Variants in OR14A2 observed in about 807,000 individuals in gnomAD.
OR14A2 encodes the protein olfactory receptor family 14 subfamily A member 2.
For synonymous variants in OR14A2, 114 were observed against 58.6 expected, an observed-to-expected ratio of 1.95 and a Z score of -4.32; for missense variants, 237 against 152.9, an observed-to-expected ratio of 1.55 and a Z score of -2.90.
the OR14A2 span, among the ~76,000 whole-genome samples, chr1:247,734,169 C>T: frequency 6.6e-6 from 1 of 152,064 alleles, no homozygotes; most frequent in African/African-American, 2.4e-5. Context: ...TTAGGATGGT[C>T]CCCAATCTAA....
the OR14A2 span, among the ~76,000 whole-genome samples, chr1:247,744,817 A>G: frequency 1.3e-5 from 2 of 152,228 alleles, no homozygotes; most frequent in Non-Finnish European, 2.9e-5. The surrounding 1 kb of genome is among the most constrained non-coding windows in gnomAD (Gnocchi z 4.3). Flanking sequence ...AGTTGCCTCA[A>G]GGAGTGCTTC....
the OR14A2 span, among the ~76,000 whole-genome samples, chr1:247,731,254 C>T: frequency 8.6e-5 from 13 of 152,016 alleles, no homozygotes; most frequent in African/African-American, 2.4e-4. Flanking sequence ...ATAGTTGCCC[C>T]TCCAAACCTT....
the OR14A2 span, among the ~76,000 whole-genome samples, chr1:247,747,653 C>T: frequency 6.8e-4 from 104 of 152,134 alleles, no homozygotes; most frequent in Non-Finnish European, 1.2e-3. Context: ...TGAGGCACCG[C>T]GCCCGGGCCT....
chr1:247,723,878 GTGTT>G lies in OR14A2; in HGVS notation c.162_165del (p.Gln54HisfsTer7). The stretch of plus-strand genomic sequence containing the variant: ...AAGTTCTTCAGGAAGAAGTACATGG[GTGTT>G]TGGAGCTTTACGTCCAGGGTAATGA... On this transcript the variant is annotated frameshift_variant, in exon 1 of 1. Coordinates refer to ENST00000366485, the Ensembl canonical transcript of OR14A2. LOFTEE classifies it low-confidence loss of function (END_TRUNC). 2.8e-6 allele frequency: 2 copies of G among 717,588 alleles called. No homozygotes were observed. The highest frequency in any genetic ancestry group is 3.0e-5 in the South Asian group (2 of 67,556). 44.5% of individuals were successfully genotyped at this position (717,588 alleles called of 1,614,324 possible).
At chr1:247,729,533 T>G in the OR14A2 span, among the ~76,000 whole-genome samples, 1 of 152,092 alleles carries the variant, frequency 6.6e-6, no homozygotes, top group African/African-American at 2.4e-5. Context: ...GACTTAAGAG[T>G]TTATATTAAG....
At chr1:247,741,516 A>T in the OR14A2 span, among the ~76,000 whole-genome samples, 8 of 152,354 alleles carry the variant, frequency 5.3e-5, no homozygotes, top group Admixed American at 5.2e-4. Flanking sequence ...GAATATGAAT[A>T]AAAAAGTGTG....
chr1:247,739,490 C>T, the OR14A2 span: 5 of 780,814 alleles, frequency 6.4e-6, no homozygotes, highest in Admixed American at 3.4e-5. Context: ...GTCTGAAGAA[C>T]AAGGACATTA....
At chr1:247,739,053 T>C in the OR14A2 span, 2 of 780,686 alleles carry the variant, frequency 2.6e-6, no homozygotes, top group South Asian at 1.3e-5. Context: ...GGCTCTGTCC[T>C]GGCTCAACAG....
chr1:247,728,765 A>T (rs564507967), upstream of OR14A2, among the ~76,000 whole-genome samples: 257 of 152,182 alleles, frequency 1.7e-3, 1 homozygote, highest in Non-Finnish European at 3.1e-3. Context: ...AATAATTCCA[A>T]TTTTTCAACC....
At chr1:247,737,060 A>G in the OR14A2 span, among the ~76,000 whole-genome samples, 2 of 152,104 alleles carry the variant, frequency 1.3e-5, no homozygotes, top group Non-Finnish European at 2.9e-5. Context: ...GCCTCCTAAA[A>G]TGCTGTGATT....
At chr1:247,739,439 C>G in the OR14A2 span, 2 of 780,662 alleles carry the variant, frequency 2.6e-6, no homozygotes, top group Non-Finnish European at 4.8e-6. Flanking sequence ...TGTCTGTGTT[C>G]TATTCTGTCG....
the OR14A2 span, chr1:247,739,041 A>T: frequency 5.1e-6 from 4 of 780,614 alleles, no homozygotes; most frequent in Admixed American, 5.1e-5. Flanking sequence ...TGTCCAGTTG[A>T]TGGCTCTGTC....
chr1:247,723,747 T>C (rs756464448), exon 1 of OR14A2: 55 of 718,168 alleles, frequency 7.7e-5, no homozygotes, highest in Non-Finnish European at 1.4e-4. Context: ...TCATTAAAAG[T>C]AGCTGGAAGG....
the OR14A2 span, among the ~76,000 whole-genome samples, chr1:247,735,051 G>A: frequency 3.9e-5 from 6 of 152,322 alleles, no homozygotes; most frequent in Middle Eastern, 3.4e-3. Flanking sequence ...GCCTGAACTC[G>A]TAGGATGCTC....
chr1:247,735,237 T>C, the OR14A2 span, among the ~76,000 whole-genome samples: 2 of 152,208 alleles, frequency 1.3e-5, no homozygotes, highest in African/African-American at 4.8e-5. Context: ...GGAAGTGTGA[T>C]GGCTCAAGGA....
the OR14A2 span, among the ~76,000 whole-genome samples, chr1:247,736,774 C>T: frequency 3.3e-5 from 5 of 152,042 alleles, no homozygotes. Flanking sequence ...AGGTTTTATT[C>T]CCCAGCAGGT....
At chr1:247,726,793 C>T (rs1572472921), upstream of OR14A2, among the ~76,000 whole-genome samples, 2 of 121,252 alleles carry the variant, frequency 1.6e-5, no homozygotes, top group Non-Finnish European at 3.4e-5. Flanking sequence ...ATAGGGAATC[C>T]TTTCCCCATT....
the OR14A2 span, among the ~76,000 whole-genome samples, chr1:247,730,537 A>T: frequency 6.6e-6 from 1 of 151,850 alleles, no homozygotes; most frequent in Admixed American, 6.6e-5. Flanking sequence ...TCTTTTAAAA[A>T]TTTGTTGGTT....
the OR14A2 span, among the ~76,000 whole-genome samples, chr1:247,738,462 GAA>G: frequency 2.0e-5 from 3 of 152,168 alleles, no homozygotes; most frequent in African/African-American, 7.2e-5. Context: ...GAGTCCATGA[GAA>G]ATATAAATTG....
Sources: gnomAD v4.1 joint callset for allele counts (sites outside exome capture counted in the v4.1 genomes callset) on GRCh38, gnomAD v4.1.1 for gene constraint, Gnocchi (gnomAD v3.1) non-coding constraint, MANE v1.5 for transcripts, NCBI Gene and HGNC (gene_info 2026-07-23, HGNC 2026-07-21) for gene names.